The following OR14A16 variants were observed in gnomAD, a reference collection of about 807,000 sequenced individuals.
OR14A16 encodes olfactory receptor 14A16.
For synonymous variants in OR14A16, 135 were observed against 137.6 expected, an observed-to-expected ratio of 0.98 and a Z score of 0.13; for missense variants, 341 against 366.5, an observed-to-expected ratio of 0.93 and a Z score of 0.57.
intron 1 of OR14A16, among the ~76,000 whole-genome samples, chr1:247,819,843 T>G (rs1662698088): frequency 6.6e-6 from 1 of 152,208 alleles, no homozygotes; most frequent in South Asian, 2.1e-4. Context: ...AGAGGAAATG[T>G]TTAAACTTTT....
Position 247,815,394 on chromosome 1 carries a change from G to C in OR14A16, c.336C>G (p.Leu112=). ...AGCGGTCAAAGGACATCACCGTGAG[G>C]AGGAGCAGCTCTGCAGATGCTGAAG... ...LLSSASAELL[L]LTVMSFDRYT... The change falls in exon 3 of 3, where the codon CTC becomes CTG. Residue 112 remains leucine, a synonymous_variant. Coordinates refer to ENST00000641093, the MANE Select transcript of OR14A16 (RefSeq NM_001001966.2). The C allele has an allele frequency of 6.2e-7, 1 of 1,613,790 alleles. No individual in the cohort carries two copies. Among genetic ancestry groups the C allele is most frequent in the Non-Finnish European group, 8.5e-7 (1 of 1,179,842 alleles).
rs149887688 is a variant in OR14A16, at chr1:247,823,703, T to C, written c.-131+250A>G. 2.0e-3 allele frequency among the ~76,000 whole-genome samples: 310 copies of C among 152,244 alleles called. 1 individual carries two copies. Among genetic ancestry groups the C allele is most frequent in the African/African-American group, 7.2e-3 (300 of 41,530 alleles). ...AATGAATATTAGTGGAAAAATACTA[T>C]GCAACTATTTTTTACTGGGAAGGAT... On this transcript the variant is annotated intron_variant, in intron 1 of 2. Transcript: ENST00000641093.
chr1:247,817,505 C>T (rs1200668275), intron 2 of OR14A16, among the ~76,000 whole-genome samples: 5 of 151,970 alleles, frequency 3.3e-5, no homozygotes, highest in Admixed American at 1.3e-4. Flanking sequence ...TAATAGTCCC[C>T]GAGTGGTTGA....
At chr1:247,817,695 T>A (rs1322855360) in intron 2 of OR14A16, among the ~76,000 whole-genome samples, 1 of 90,870 alleles carries the variant, frequency 1.1e-5, no homozygotes, top group East Asian at 1.0e-3. Context: ...TTTTAAGAAG[T>A]ACTTCACATT....
chr1:247,817,066 G>A (rs184523739), intron 2 of OR14A16, among the ~76,000 whole-genome samples: 1 of 152,230 alleles, frequency 6.6e-6, no homozygotes, highest in Admixed American at 6.5e-5. Flanking sequence ...GAAAACTGTG[G>A]TTATTCATTC....
intron 1 of OR14A16, among the ~76,000 whole-genome samples, chr1:247,822,478 A>ACTATTGGCCTC (rs6143725): frequency 6.6e-6 from 1 of 151,966 alleles, no homozygotes; most frequent in Admixed American, 6.6e-5. Context: ...TGGGACTTGC[A>ACTATTGGCCTC]CCAAGGGCTC....
intron 1 of OR14A16, among the ~76,000 whole-genome samples, chr1:247,823,500 C>T (rs1022145348): frequency 6.6e-6 from 1 of 151,984 alleles, no homozygotes; most frequent in Non-Finnish European, 1.5e-5. Flanking sequence ...GACCCTGCCT[C>T]TAAAATATTA....
At chr1:247,817,655 C>T (rs775543246) in intron 2 of OR14A16, among the ~76,000 whole-genome samples, 27 of 152,030 alleles carry the variant, frequency 1.8e-4, no homozygotes, top group Non-Finnish European at 3.8e-4. Context: ...TCTTCATAAT[C>T]GTTTAGAAGC....
At position 247,819,145 on chromosome 1, in the gene OR14A16, G is replaced by A. The variant is rs1662680559; in HGVS notation, c.-98C>T. The stretch of plus-strand genomic sequence containing the variant: ...ATGCTTCTTTATTCATTTATAGAGT[G>A]CTTACTAAAGGCCAGATCTTTCTGT... On this transcript the variant is annotated 5_prime_UTR_variant, in exon 2 of 3. Coordinates refer to ENST00000641093, the MANE Select transcript of OR14A16 (RefSeq NM_001001966.2). 6.6e-6 allele frequency: 1 copy of A among 152,160 alleles called. No individual in the cohort carries two copies. The highest frequency in any genetic ancestry group is 2.4e-5 in the African/African-American group (1 of 41,408). 9.4% of individuals were successfully genotyped at this position (152,160 alleles called of 1,614,324 possible).
At chr1:247,822,093 T>A (rs1662750119) in intron 1 of OR14A16, among the ~76,000 whole-genome samples, 1 of 152,190 alleles carries the variant, frequency 6.6e-6, no homozygotes. Flanking sequence ...ACAAATTTGT[T>A]GCTATTATTA....
At position 247,815,469 on chromosome 1, in the gene OR14A16, G is replaced by T; in HGVS notation, c.261C>A (p.Asn87Lys). ...CACAGCCAAGGAATGAAATGGAGTT[G>T]TTGTGTATCAAAGAATTGGCGATAG... ...PKSIANSLIH[N>K]NSISFLGCVS... Residue 87 changes from asparagine to lysine, a missense_variant, in exon 3 of 3, where the codon AAC becomes AAA. Transcript: ENST00000641093. 6.2e-7 allele frequency: 1 copy of T among 1,614,066 alleles called. No homozygotes were observed. The highest frequency in any genetic ancestry group is 8.5e-7 in the Non-Finnish European group (1 of 1,180,010).
chr1:247,814,822 T>G lies in OR14A16; in HGVS notation c.908A>C (p.Lys303Thr). The change falls in exon 3 of 3, where the codon AAG (lysine) becomes ACG (threonine). Residue 303 changes from lysine (K) to threonine (T), a missense_variant. By Grantham distance (78) the Lys-to-Thr change is moderately conservative. Transcript: ENST00000641093. Reference sequence around the variant, plus strand: ...CTTTTACTTTTTGGTGAGCTTTCCCTTTATCAACATCCCCAGAGCCACCTT... The same window carrying G: ...CTTTTACTTTTTGGTGAGCTTTCCCGTTATCAACATCCCCAGAGCCACCTT... ...AIKVALGMLI[K>T]GKLTKK 2 of 1,569,222 alleles carry G rather than the reference T, an allele frequency of 1.3e-6. No homozygotes were observed. The highest frequency in any genetic ancestry group is 1.7e-6 in the Non-Finnish European group (2 of 1,163,936).
At chr1:247,815,797 A>G in intron 2 of OR14A16, 53 bp from the exon 3 acceptor site, 1 of 701,924 alleles carries the variant, frequency 1.4e-6, no homozygotes, top group South Asian at 2.0e-5. Flanking sequence ...CTCTTTAAAT[A>G]TTAAATATAT....
intron 2 of OR14A16, among the ~76,000 whole-genome samples, chr1:247,816,289 A>C (rs912054475): frequency 6.6e-6 from 1 of 152,198 alleles, no homozygotes; most frequent in Non-Finnish European, 1.5e-5. Flanking sequence ...TTACTCTCTA[A>C]AAAACTTTGT....
chr1:247,820,947 G>A (rs1054674652), intron 1 of OR14A16, among the ~76,000 whole-genome samples: 1 of 151,784 alleles, frequency 6.6e-6, no homozygotes, highest in Non-Finnish European at 1.5e-5. Context: ...CATCTCATAA[G>A]TGTCAATATG....
intron 1 of OR14A16, among the ~76,000 whole-genome samples, chr1:247,820,574 G>A (rs978723306): frequency 7.9e-5 from 12 of 151,916 alleles, no homozygotes; most frequent in East Asian, 1.9e-4. Context: ...GGCCCGGCAC[G>A]GTCGTGCACA....
At chr1:247,823,731 G>A (rs774679325) in intron 1 of OR14A16, among the ~76,000 whole-genome samples, 15 of 152,058 alleles carry the variant, frequency 9.9e-5, no homozygotes, top group Admixed American at 2.0e-4. Flanking sequence ...GGAAGGATAC[G>A]ATAAATATGT....
chr1:247,818,999 GTTAAAAATAAAAAATTT>G (rs1221201822), intron 2 of OR14A16, 47 bp downstream of exon 2: 10 of 150,844 alleles, frequency 6.6e-5, no homozygotes, highest in Admixed American at 4.0e-4. Context: ...ACCCACAAAA[GTTAAAAATAAAAAATTT>G]TTAAAAATAA....
At chr1:247,816,694 ACTC>A (rs1014301657) in intron 2 of OR14A16, among the ~76,000 whole-genome samples, 24 of 152,054 alleles carry the variant, frequency 1.6e-4, no homozygotes, top group African/African-American at 5.6e-4. Context: ...ACACTATTGA[ACTC>A]CTGCCTGGGC....
Sources: allele counts gnomAD v4.1 joint callset (sites outside exome capture counted in the v4.1 genomes callset), GRCh38; gene constraint gnomAD v4.1.1; transcripts MANE v1.5; gene names NCBI Gene and HGNC (gene_info 2026-07-23, HGNC 2026-07-21).